Variants in RAB15 observed in about 807,000 individuals in gnomAD.
RAB15 encodes RAB15, member RAS oncogene family.
RAB15 carries 13 observed loss-of-function variants against 31.8 expected under a neutral mutation model. That is an observed-to-expected ratio of 0.41 (90% CI 0.27 to 0.65). The LOEUF (loss-of-function observed/expected upper bound fraction) is 0.65, where lower values mean the gene tolerates loss of function less well. RAB15 is among the 30% of genes least tolerant of loss of function. The pLI is 0.32. For missense variants in RAB15, 220 were observed against 277.3 expected (o/e 0.79, Z 1.47); for synonymous variants, 100 against 105.6 (o/e 0.95, Z 0.33).
In RAB15 at chr14:64,952,516, C is replaced by A; in HGVS notation, c.180G>T (p.Gln60His). 1 of 1,611,958 alleles carries A rather than the reference C, an allele frequency of 6.2e-7. No individual in the cohort carries two copies. Among genetic ancestry groups the A allele is most frequent in the Non-Finnish European group, 8.5e-7 (1 of 1,178,198 alleles). ...CCTCCTCCTCCCCAGCTCACCAGAT[C>A]TGTATCCGCACTTTGATGCCGTCTA... ...IEVDGIKVRIQIWDTAGQERY... is the reference protein window; with the variant it reads ...IEVDGIKVRIHIWDTAGQERY... Residue 60 changes from glutamine (Q) to histidine (H), a missense_variant, in exon 2 of 7, where the codon CAG becomes CAT. Transcript: ENST00000533601. This position sits in a 1 kb window ranked among gnomAD's most constrained non-coding sequence, Gnocchi z 4.2.
intron 1 of RAB15, among the ~76,000 whole-genome samples, chr14:64,959,897 C>T (rs766436307): frequency 1.3e-4 from 20 of 151,734 alleles, no homozygotes; most frequent in Non-Finnish European, 2.6e-4. Context: ...GGGATCTCCC[C>T]CTCACCCCAG....
Position 64,948,567 on chromosome 14 carries a change from C to G in RAB15, c.481-55G>C, listed in dbSNP as rs955474273. The G allele has an allele frequency of 6.2e-7, 1 of 1,601,958 alleles. No individual in the cohort carries two copies. Among genetic ancestry groups the G allele is most frequent in the South Asian group, 1.1e-5 (1 of 89,398 alleles). ...GTGTCTCCTCCTCTCCCCTGGCAACCCTGCAGCGGCCTGAGGGATAAGGTC... is the reference window on the plus strand; with the variant it reads ...GTGTCTCCTCCTCTCCCCTGGCAACGCTGCAGCGGCCTGAGGGATAAGGTC... On this transcript the variant is annotated intron_variant, in intron 6 of 6. Transcript: ENST00000533601. The surrounding 1 kb of genome is among the most constrained non-coding windows in gnomAD (Gnocchi z 7.0).
Position 64,970,543 on chromosome 14 carries a change from GT to G in RAB15, c.124+1409del, listed in dbSNP as rs1030996464. On this transcript the variant is annotated intron_variant, in intron 1 of 6. Coordinates refer to ENST00000533601, the MANE Select transcript of RAB15 (RefSeq NM_001308154.2). The surrounding 1 kb of genome is among the most constrained non-coding windows in gnomAD (Gnocchi z 4.1). Reference sequence around the variant, plus strand: ...TCCTGTTGTTTCACCCTTCAAGTTGGTGAAACAAAGAGAGGAGACCCTAAAA... The same window carrying G: ...TCCTGTTGTTTCACCCTTCAAGTTGGGAAACAAAGAGAGGAGACCCTAAAA... Among the ~76,000 whole-genome samples, 18 of 152,192 alleles carry G rather than the reference GT, an allele frequency of 1.2e-4. No individual in the cohort carries two copies. The highest frequency in any genetic ancestry group is 4.3e-4 in the African/African-American group (18 of 41,442).
intron 5 of RAB15, among the ~76,000 whole-genome samples, chr14:64,949,509 T>C (rs966328645): frequency 6.6e-6 from 1 of 152,044 alleles, no homozygotes; most frequent in African/African-American, 2.4e-5. Context: ...TCACCTGAGG[T>C]TAGGAGTTCG....
In RAB15 at chr14:64,962,524, ATAAAG is replaced by A. The variant is rs1355690708; in HGVS notation, c.124+9424_124+9428del. ...ATATGTGATAAGAAGCAACTGCGGG[ATAAAG>A]TAGAGAGTGAGGAGACCCCAAGCAC... On this transcript the variant is annotated intron_variant, in intron 1 of 6. Transcript: ENST00000533601. The surrounding 1 kb of genome is among the most constrained non-coding windows in gnomAD (Gnocchi z 4.2). Among the ~76,000 whole-genome samples, 2 of 152,210 alleles carry A rather than the reference ATAAAG, an allele frequency of 1.3e-5. No individual in the cohort carries two copies. The highest frequency in any genetic ancestry group is 2.4e-5 in the African/African-American group (1 of 41,454).
chr14:64,968,474 T>G lies in RAB15; in HGVS notation c.124+3479A>C, dbSNP rs1193252955. 6.6e-5 allele frequency among the ~76,000 whole-genome samples: 10 copies of G among 152,208 alleles called. No individual in the cohort carries two copies. Among genetic ancestry groups the G allele is most frequent in the Non-Finnish European group, 1.5e-4 (10 of 68,032 alleles). On this transcript the variant is annotated intron_variant, in intron 1 of 6. Transcript: ENST00000533601. The surrounding 1 kb of genome is among the most constrained non-coding windows in gnomAD (Gnocchi z 4.9). ...ATCCCATCCATCGCCATTCTCCGGC[T>G]GCCTCATGGTACATCTTGCATCATA... is the stretch of plus-strand genomic sequence containing the variant.
chr14:64,950,461 C>T lies in RAB15; in HGVS notation c.325-47G>A. On this transcript the variant is annotated intron_variant, in intron 4 of 6. Transcript: ENST00000533601. This position sits in a 1 kb window ranked among gnomAD's most constrained non-coding sequence, Gnocchi z 5.6. ...AACAGCCAGTGAGTGCTGCCTGCCC[C>T]CCCAATTTTCCCTACAGAGTCTGCA... is the stretch of plus-strand genomic sequence containing the variant. The T allele has an allele frequency of 6.8e-7, 1 of 1,460,716 alleles. No individual in the cohort carries two copies. 90.5% of individuals were successfully genotyped at this position (1,460,716 alleles called of 1,614,324 possible).
chr14:64,948,415 A>G lies in RAB15; in HGVS notation c.578T>C (p.Leu193Pro), dbSNP rs1436776374. ...CTCGGGTTTGCCCTCCTCCTCCTCC[A>G]GCTCTGCCAGTGCCAACTCATTGCT... ...RASNELALAE[L>P]EEEEGKPEGP... is the part of the protein sequence containing the mutation. The change falls in exon 7 of 7, where the codon CTG becomes CCG. Residue 193 changes from leucine (L) to proline (P), a missense_variant. Physicochemically the swap from Leu to Pro is moderately conservative, Grantham distance 98. Transcript: ENST00000533601. The surrounding 1 kb of genome is among the most constrained non-coding windows in gnomAD (Gnocchi z 7.0). The G allele has an allele frequency of 6.2e-7, 1 of 1,613,396 alleles. No individual in the cohort carries two copies. Among genetic ancestry groups the G allele is most frequent in the Non-Finnish European group, 8.5e-7 (1 of 1,179,798 alleles).
Position 64,972,174 on chromosome 14 carries a change from G to A in RAB15, c.-98C>T, listed in dbSNP as rs535477734. ...CCCGCGCCCGCCCGGGGACGCTGCG[G>A]GCGGCGAGGAGGACGCCGGGCCCGG... is the stretch of plus-strand genomic sequence containing the variant. On this transcript the variant is annotated 5_prime_UTR_variant, in exon 1 of 7. Coordinates refer to ENST00000533601, the MANE Select transcript of RAB15 (RefSeq NM_001308154.2). This position sits in a 1 kb window ranked among gnomAD's most constrained non-coding sequence, Gnocchi z 6.3. The A allele has an allele frequency of 4.7e-6, 5 of 1,073,940 alleles. No individual in the cohort carries two copies. In the African/African-American group the frequency reaches 8.4e-5, roughly 18 times the overall value. 66.5% of individuals were successfully genotyped at this position (1,073,940 alleles called of 1,614,324 possible).
chr14:64,946,408 G>A lies in RAB15; in HGVS notation c.*1946C>T, dbSNP rs1043127001. 15 of 152,322 alleles carry A rather than the reference G, an allele frequency of 9.8e-5. No homozygotes were observed. In the East Asian group the frequency reaches 2.7e-3, roughly 27 times the overall value. The allele number at this position is 152,322 out of a possible 1,614,324, so 9.4% of individuals were successfully genotyped here. A position where few individuals can be genotyped will look rare whatever the true frequency, so the allele number is the denominator to read the frequency against. On this transcript the variant is annotated 3_prime_UTR_variant, in exon 7 of 7. Coordinates refer to ENST00000533601, the MANE Select transcript of RAB15 (RefSeq NM_001308154.2). Reference sequence around the variant, plus strand: ...CCTACTTCCCTAGCCCCAGTGTGATGTGGCATAGGTCTTGATACCCAAGGA... The same window carrying A: ...CCTACTTCCCTAGCCCCAGTGTGATATGGCATAGGTCTTGATACCCAAGGA...
chr14:64,954,281 T>C lies in RAB15; in HGVS notation c.125-1710A>G. 1.0e-6 allele frequency: 1 copy of C among 985,416 alleles called. No homozygotes were observed. The allele number at this position is 985,416 out of a possible 1,614,324, so 61.0% of individuals were successfully genotyped here. A position where few individuals can be genotyped will look rare whatever the true frequency, so the allele number is the denominator to read the frequency against. On this transcript the variant is annotated intron_variant, in intron 1 of 6. Coordinates refer to ENST00000533601, the MANE Select transcript of RAB15 (RefSeq NM_001308154.2). The surrounding 1 kb of genome is among the most constrained non-coding windows in gnomAD (Gnocchi z 4.3). ...GGAGGAAGGAGAGAAGCATCAGGCC[T>C]TGGGAAGCAGGAGTATGCTTATTTC... is the stretch of plus-strand genomic sequence containing the variant.
At chr14:64,963,692 C>A (rs1198481131) in intron 1 of RAB15, among the ~76,000 whole-genome samples, 3 of 152,232 alleles carry the variant, frequency 2.0e-5, no homozygotes, top group Non-Finnish European at 4.4e-5. Context: ...AATCTCCTGG[C>A]AAGGGGCTTC....
chr14:64,966,591 C>T (rs1399752337), intron 1 of RAB15, among the ~76,000 whole-genome samples: 2 of 151,970 alleles, frequency 1.3e-5, no homozygotes, highest in Non-Finnish European at 2.9e-5. Flanking sequence ...ATTATTTTAT[C>T]GAGGGCTCTG....
intron 1 of RAB15, among the ~76,000 whole-genome samples, chr14:64,969,320 G>A (rs1343383194): frequency 6.6e-6 from 1 of 152,178 alleles, no homozygotes; most frequent in Non-Finnish European, 1.5e-5. Flanking sequence ...TCTCCTGGCT[G>A]CCCCTTCTAC....
At chr14:64,956,389 C>T (rs1378803449) in intron 1 of RAB15, among the ~76,000 whole-genome samples, 15 of 144,132 alleles carry the variant, frequency 1.0e-4, no homozygotes, top group African/African-American at 3.9e-4. Flanking sequence ...CCAGTCTGGG[C>T]GACAGGGTGA....
At position 64,954,195 on chromosome 14, in the gene RAB15, A is replaced by G. The variant is rs543051612; in HGVS notation, c.125-1624T>C. ...TTGAGCTGTACTTTTCCAAATGGGCAATGCCTGGCAGCCATTCTTCCATGT... is the reference window on the plus strand; with the variant it reads ...TTGAGCTGTACTTTTCCAAATGGGCGATGCCTGGCAGCCATTCTTCCATGT... On this transcript the variant is annotated intron_variant, in intron 1 of 6. Transcript: ENST00000533601. This position sits in a 1 kb window ranked among gnomAD's most constrained non-coding sequence, Gnocchi z 4.3. 4.1e-6 allele frequency: 4 copies of G among 985,420 alleles called. No homozygotes were observed. Among genetic ancestry groups the G allele is most frequent in the Admixed American group, 6.1e-5 (1 of 16,286 alleles). The allele number at this position is 985,420 out of a possible 1,614,324, so 61.0% of individuals were successfully genotyped here. A position where few individuals can be genotyped will look rare whatever the true frequency, so the allele number is the denominator to read the frequency against.
rs565566266 is a variant in RAB15 at position 64,946,107 on chromosome 14, A to G, written c.*2247T>C. ...AGCGTAGCTGCACCCTAAAATCCCA[A>G]TTCTCCTTCTGCTCCCATACCTTTT... On this transcript the variant is annotated 3_prime_UTR_variant, in exon 7 of 7. Coordinates refer to ENST00000533601, the MANE Select transcript of RAB15 (RefSeq NM_001308154.2). 18 of 152,616 alleles carry G rather than the reference A, an allele frequency of 1.2e-4. No homozygotes were observed. Among genetic ancestry groups the G allele is most frequent in the African/African-American group, 4.3e-4 (18 of 41,492 alleles). The allele number at this position is 152,616 out of a possible 1,614,324, so 9.5% of individuals were successfully genotyped here.
In RAB15 at chr14:64,953,301, T is replaced by C. The variant is rs1886364761; in HGVS notation, c.125-730A>G. On this transcript the variant is annotated intron_variant, in intron 1 of 6. Coordinates refer to ENST00000533601, the MANE Select transcript of RAB15 (RefSeq NM_001308154.2). The surrounding 1 kb of genome is among the most constrained non-coding windows in gnomAD (Gnocchi z 4.6). ...CACTGAGCGTCCATTTCTGCCTCAG[T>C]AAATATCTTCATCAGGGACATTACC... Among the ~76,000 whole-genome samples, 1 of 152,146 alleles carries C rather than the reference T, an allele frequency of 6.6e-6. No homozygotes were observed. The highest frequency in any genetic ancestry group is 2.1e-4 in the South Asian group (1 of 4,822).
rs1473969778 is a variant in RAB15 at position 64,958,035 on chromosome 14, CT to C, written c.125-5465del. 6.6e-6 allele frequency: 1 copy of C among 152,338 alleles called. No homozygotes were observed. Among genetic ancestry groups the C allele is most frequent in the Non-Finnish European group, 1.5e-5 (1 of 68,118 alleles). The allele number at this position is 152,338 out of a possible 1,614,324, so 9.4% of individuals were successfully genotyped here. On this transcript the variant is annotated intron_variant, in intron 1 of 6. Coordinates refer to ENST00000533601, the MANE Select transcript of RAB15 (RefSeq NM_001308154.2). The surrounding 1 kb of genome is among the most constrained non-coding windows in gnomAD (Gnocchi z 4.4). ...CTCAGGTCACTGCAACCTCTGCCTC[CT>C]GGGTTCAAGCGATTCTCCTGCCTCA...
Sources: gnomAD v4.1 joint callset for allele counts (sites outside exome capture counted in the v4.1 genomes callset) on GRCh38, gnomAD v4.1.1 for gene constraint, Gnocchi (gnomAD v3.1) non-coding constraint, MANE v1.5 for transcripts, NCBI Gene and HGNC (gene_info 2026-07-23, HGNC 2026-07-21) for gene names.